The following SORCS2 variants were observed in gnomAD, a reference collection of about 807,000 sequenced individuals.
SORCS2 encodes the protein VPS10 domain-containing receptor SorCS2.
A neutral mutation model predicts 141.6 loss-of-function variants in SORCS2; 100 were observed. The observed-to-expected ratio is 0.71, with a 90% CI of 0.60 to 0.83. The LOEUF is 0.83. SORCS2 is among the 40% of genes least tolerant of loss of function. The pLI is 0.00. For missense variants in SORCS2, 1,646 were observed against 1,560.2 expected (o/e 1.05, Z -0.93); for synonymous variants, 789 against 676.9 (o/e 1.17, Z -2.57).
chr4:7,622,292 G>A lies in SORCS2; in HGVS notation c.649-16036G>A, dbSNP rs537472300. On this transcript the variant is annotated intron_variant, in intron 3 of 26. Coordinates refer to ENST00000507866, the MANE Select transcript of SORCS2 (RefSeq NM_020777.3). Reference sequence around the variant, plus strand: ...GACTACAGAAGTGACTCGCGGTCTCGCCACTGTATGTGCATGGCCAGAATT... The same window carrying A: ...GACTACAGAAGTGACTCGCGGTCTCACCACTGTATGTGCATGGCCAGAATT... Among the ~76,000 whole-genome samples the A allele has an allele frequency of 2.4e-4, 36 of 152,160 alleles. 1 individual carries two copies. The highest frequency in any genetic ancestry group is 8.5e-4 in the Admixed American group (13 of 15,282).
At chr4:7,508,074 G>A (rs1268590346) in intron 2 of SORCS2, among the ~76,000 whole-genome samples, 1 of 152,068 alleles carries the variant, frequency 6.6e-6, no homozygotes, top group Non-Finnish European at 1.5e-5. Flanking sequence ...GCGTGTCTGC[G>A]AGCCTGGAGG....
intron 2 of SORCS2, among the ~76,000 whole-genome samples, chr4:7,512,384 G>A (rs1265568044): frequency 6.8e-6 from 1 of 147,178 alleles, no homozygotes; most frequent in African/African-American, 2.5e-5. Flanking sequence ...GAGGGAAGAA[G>A]GAGGGAAGAA....
At chr4:7,437,068 A>C (rs758315597) in intron 2 of SORCS2, among the ~76,000 whole-genome samples, 1 of 152,118 alleles carries the variant, frequency 6.6e-6, no homozygotes, top group African/African-American at 2.4e-5. Context: ...GCCAACTGGG[A>C]GCCCTGTAAT....
At chr4:7,262,911 C>T (rs761543950) in intron 1 of SORCS2, among the ~76,000 whole-genome samples, 5 of 152,226 alleles carry the variant, frequency 3.3e-5, no homozygotes, top group African/African-American at 4.8e-5. Flanking sequence ...AGGGCTCAGA[C>T]GGCCAATGTG....
chr4:7,707,411 A>T (rs185417409), intron 14 of SORCS2, among the ~76,000 whole-genome samples: 1 of 152,312 alleles, frequency 6.6e-6, no homozygotes, highest in South Asian at 2.1e-4. Context: ...AGGGTGGGAA[A>T]CCAGGTTTCG....
In SORCS2 at chr4:7,427,409, G is replaced by A. The variant is rs1278027589; in HGVS notation, c.548+31054G>A. Among the ~76,000 whole-genome samples, 5 of 152,314 alleles carry A rather than the reference G, an allele frequency of 3.3e-5. No homozygotes were observed. The East Asian group carries it at 9.7e-4, about 29-fold the overall frequency. On this transcript the variant is annotated intron_variant, in intron 2 of 26. Coordinates refer to ENST00000507866, the MANE Select transcript of SORCS2 (RefSeq NM_020777.3). ...GTTTGGAAAGAGAGGGGGGCCAACTGTCCCCGACTTCACTCCTGAGCTTCA... is the reference window on the plus strand; with the variant it reads ...GTTTGGAAAGAGAGGGGGGCCAACTATCCCCGACTTCACTCCTGAGCTTCA...
At chr4:7,738,966 C>T (rs1392007778) in intron 26 of SORCS2, among the ~76,000 whole-genome samples, 1 of 152,106 alleles carries the variant, frequency 6.6e-6, no homozygotes, top group Non-Finnish European at 1.5e-5. Flanking sequence ...TTCCTCATGG[C>T]GTGATGCGTC....
chr4:7,582,562 C>A (rs1167452690), intron 3 of SORCS2, among the ~76,000 whole-genome samples: 4 of 152,098 alleles, frequency 2.6e-5, no homozygotes, highest in Non-Finnish European at 5.9e-5. Flanking sequence ...CTGCTTCTGG[C>A]TCGGGGTTTC....
intron 1 of SORCS2, among the ~76,000 whole-genome samples, chr4:7,361,402 C>T (rs763878604): frequency 1.1e-4 from 17 of 152,158 alleles, no homozygotes; most frequent in Non-Finnish European, 2.1e-4. Flanking sequence ...GGGAAGTGAA[C>T]GCCTACAGCT....
intron 3 of SORCS2, among the ~76,000 whole-genome samples, chr4:7,602,730 A>C (rs924353929): frequency 1.1e-4 from 16 of 151,856 alleles, no homozygotes; most frequent in African/African-American, 3.6e-4. Context: ...GGCCAGGCAG[A>C]GACGCTCCTC....
intron 1 of SORCS2, among the ~76,000 whole-genome samples, chr4:7,283,059 C>CCATTCATTCATTCACT (rs148391689): frequency 6.6e-6 from 1 of 152,070 alleles, no homozygotes; most frequent in Non-Finnish European, 1.5e-5. Flanking sequence ...ATTCATTCAC[C>CCATTCATTCATTCACT]CATTCATTCA....
intron 3 of SORCS2, among the ~76,000 whole-genome samples, chr4:7,553,307 GA>G (rs1258059133): frequency 1.3e-5 from 2 of 151,792 alleles, no homozygotes; most frequent in African/African-American, 2.4e-5. Context: ...TTAATTATGA[GA>G]GGGGGGAAAA....
At chr4:7,335,887 G>T (rs1230142899) in intron 1 of SORCS2, among the ~76,000 whole-genome samples, 1 of 152,216 alleles carries the variant, frequency 6.6e-6, no homozygotes, top group African/African-American at 2.4e-5. Flanking sequence ...ACCCAAGCTG[G>T]CTTGGCAGGG....
At chr4:7,287,769 G>T (rs2108871250) in intron 1 of SORCS2, among the ~76,000 whole-genome samples, 1 of 152,360 alleles carries the variant, frequency 6.6e-6, no homozygotes, top group Middle Eastern at 3.4e-3. Context: ...CTGTGGGCGG[G>T]CGTGGGTCTG....
chr4:7,669,624 A>T (rs1722683167), intron 8 of SORCS2, among the ~76,000 whole-genome samples: 1 of 151,678 alleles, frequency 6.6e-6, no homozygotes, highest in Admixed American at 6.6e-5. Flanking sequence ...CACAGACTCA[A>T]CTCTCTCTTT....
At chr4:7,603,084 G>T (rs1303564072) in intron 3 of SORCS2, among the ~76,000 whole-genome samples, 1 of 152,078 alleles carries the variant, frequency 6.6e-6, no homozygotes, top group Non-Finnish European at 1.5e-5. Flanking sequence ...AGGCAGGGAG[G>T]TTGCAGTGAG....
intron 2 of SORCS2, among the ~76,000 whole-genome samples, chr4:7,455,005 A>C (rs1196773938): frequency 9.9e-6 from 1 of 101,176 alleles, no homozygotes; most frequent in Non-Finnish European, 1.9e-5. Context: ...GTCATGCGCC[A>C]CGTTAGGGTC....
intron 3 of SORCS2, among the ~76,000 whole-genome samples, chr4:7,602,564 G>A (rs947096952): frequency 5.4e-5 from 8 of 147,290 alleles, no homozygotes; most frequent in East Asian, 4.1e-4. Flanking sequence ...GGATGGCGGC[G>A]GCCGGGAAGA....
intron 11 of SORCS2, among the ~76,000 whole-genome samples, chr4:7,695,584 ATTGGTGGG>A (rs1560490118): frequency 2.7e-4 from 2 of 7,350 alleles, no homozygotes; most frequent in Non-Finnish European, 5.1e-4. Context: ...GGATGGATGG[ATTGGTGGG>A]TGGGTGGGTG....
Sources: allele counts gnomAD v4.1 joint callset (sites outside exome capture counted in the v4.1 genomes callset), GRCh38; gene constraint gnomAD v4.1.1; transcripts MANE v1.5; gene names NCBI Gene and HGNC (gene_info 2026-07-23, HGNC 2026-07-21).